NELL2: variants seen among roughly 807,000 people sequenced by gnomAD.
NELL2 encodes the protein protein kinase C-binding protein NELL2.
Under a neutral mutation model 109.6 loss-of-function variants are expected in NELL2, and 41 were observed. That is an observed-to-expected ratio of 0.37 (90% CI 0.29 to 0.49). The LOEUF (loss-of-function observed/expected upper bound fraction) is 0.49, where lower values mean the gene tolerates loss of function less well. Ranked by LOEUF, NELL2 falls within the 20% of genes least tolerant of loss-of-function variation. The pLI is 0.98. For synonymous variants in NELL2, 355 were observed against 344.7 expected (o/e 1.03, Z -0.33); for missense variants, 900 against 1,008.3 (o/e 0.89, Z 1.45).
At chr12:44,633,537 T>C (rs192364375) in intron 13 of NELL2, among the ~76,000 whole-genome samples, 1 of 152,278 alleles carries the variant, frequency 6.6e-6, no homozygotes, top group East Asian at 1.9e-4. Flanking sequence ...TGTCAGTTAC[T>C]AATGGAGAGC....
At chr12:44,858,798 C>T (rs1258707444) in intron 2 of NELL2, among the ~76,000 whole-genome samples, 1 of 152,068 alleles carries the variant, frequency 6.6e-6, no homozygotes, top group Non-Finnish European at 1.5e-5. Context: ...GCTCAAATGA[C>T]ACAAAAAGGC....
At chr12:44,764,678 C>A (rs57307508) in intron 9 of NELL2, among the ~76,000 whole-genome samples, 4,597 of 152,220 alleles carry the variant, frequency 0.03, 215 homozygotes, top group African/African-American at 0.1. Flanking sequence ...TACTAGCTGG[C>A]TTATCTCAGG....
intron 2 of NELL2, among the ~76,000 whole-genome samples, chr12:44,834,819 T>A (rs1325417471): frequency 6.6e-6 from 1 of 152,094 alleles, no homozygotes; most frequent in Admixed American, 6.6e-5. Flanking sequence ...CAGGGACTGA[T>A]CAACTCTGCT....
chr12:44,825,941 C>T (rs1943697291), intron 2 of NELL2, among the ~76,000 whole-genome samples: 1 of 151,640 alleles, frequency 6.6e-6, no homozygotes, highest in Non-Finnish European at 1.5e-5. Flanking sequence ...ACTCTGGAGG[C>T]TGAAGCAGGA....
chr12:44,586,284 TTATA>T (rs1164270896), intron 15 of NELL2, among the ~76,000 whole-genome samples: 1 of 148,992 alleles, frequency 6.7e-6, no homozygotes, highest in Non-Finnish European at 1.5e-5. Flanking sequence ...TGCAGTGTGA[TTATA>T]TATATATAGA....
intron 15 of NELL2, among the ~76,000 whole-genome samples, chr12:44,593,478 G>A (rs1232391791): frequency 6.6e-6 from 1 of 152,114 alleles, no homozygotes; most frequent in Admixed American, 6.5e-5. Flanking sequence ...GTAACTTCAG[G>A]CTTGTCAATT....
At chr12:44,792,396 G>C (rs896398606) in intron 3 of NELL2, among the ~76,000 whole-genome samples, 9 of 152,038 alleles carry the variant, frequency 5.9e-5, no homozygotes, top group African/African-American at 2.2e-4. Flanking sequence ...CTTGTATGCT[G>C]CTGCGGATAA....
At chr12:44,587,284 A>AAAAAAAAAATATATATATATAT in intron 15 of NELL2, among the ~76,000 whole-genome samples, 7 of 72,208 alleles carry the variant, frequency 9.7e-5, no homozygotes, top group Non-Finnish European at 1.6e-4. Flanking sequence ...AAAAAAAAAA[A>AAAAAAAAAATATATATATATAT]ATATATATAT....
intron 3 of NELL2, among the ~76,000 whole-genome samples, chr12:44,795,529 C>T (rs1368940558): frequency 1.3e-5 from 2 of 152,056 alleles, no homozygotes; most frequent in Non-Finnish European, 2.9e-5. Flanking sequence ...TATTATTGGT[C>T]AATAATCCCA....
At chr12:44,888,381 GT>G (rs61158046) in intron 1 of NELL2, among the ~76,000 whole-genome samples, 2,847 of 136,482 alleles carry the variant, frequency 0.021, 48 homozygotes, top group African/African-American at 0.044. Flanking sequence ...TGAACAGTTG[GT>G]TTTTTTTTTT....
intron 2 of NELL2, among the ~76,000 whole-genome samples, chr12:44,838,486 T>G (rs1381936614): frequency 6.6e-6 from 1 of 152,196 alleles, no homozygotes; most frequent in Non-Finnish European, 1.5e-5. Context: ...AAACAAGTTA[T>G]TTAACCTCAC....
At chr12:44,822,845 G>A (rs191442960) in intron 2 of NELL2, among the ~76,000 whole-genome samples, 1 of 152,272 alleles carries the variant, frequency 6.6e-6, no homozygotes, top group East Asian at 1.9e-4. Flanking sequence ...CCAGAATGGA[G>A]TGATGAGTTC....
intron 15 of NELL2, among the ~76,000 whole-genome samples, chr12:44,580,738 A>G (rs1355951955): frequency 6.6e-6 from 1 of 152,114 alleles, no homozygotes; most frequent in Non-Finnish European, 1.5e-5. Context: ...CAAAAAACTC[A>G]TAATGCATGA....
chr12:44,673,048 T>C (rs1948194055), intron 12 of NELL2, among the ~76,000 whole-genome samples: 1 of 152,224 alleles, frequency 6.6e-6, no homozygotes, highest in Admixed American at 6.5e-5. Flanking sequence ...GCCTATTACT[T>C]GGAGTAGTGT....
At position 44,875,907 on chromosome 12, in the gene NELL2, A is replaced by G; in HGVS notation, c.-38T>C. ...CTCAGTCCATCGTCTCCCTCTTTAAAAATAAAAATAAAAATCGAAGAGGTT... is the reference window on the plus strand; with the variant it reads ...CTCAGTCCATCGTCTCCCTCTTTAAGAATAAAAATAAAAATCGAAGAGGTT... On this transcript the variant is annotated 5_prime_UTR_variant, in exon 1 of 20. Transcript: ENST00000429094. 1.9e-6 allele frequency: 3 copies of G among 1,612,938 alleles called. No individual in the cohort carries two copies. Among genetic ancestry groups the G allele is most frequent in the Non-Finnish European group, 2.5e-6 (3 of 1,180,022 alleles).
chr12:44,703,109 A>G (rs1721962807), intron 12 of NELL2, among the ~76,000 whole-genome samples: 1 of 152,202 alleles, frequency 6.6e-6, no homozygotes, highest in African/African-American at 2.4e-5. Flanking sequence ...ACCACATCTC[A>G]TGGACTTCGT....
chr12:44,677,748 T>C (rs558543229), intron 12 of NELL2, among the ~76,000 whole-genome samples: 22 of 152,222 alleles, frequency 1.4e-4, no homozygotes, highest in African/African-American at 4.3e-4. Context: ...ACTCTGGCAC[T>C]GACTGGATGT....
intron 1 of NELL2, among the ~76,000 whole-genome samples, chr12:44,920,523 T>C (rs182961023): frequency 1.2e-4 from 18 of 152,320 alleles, no homozygotes; most frequent in African/African-American, 4.1e-4. Context: ...TTAATAGATA[T>C]ATACTCAGTG....
chr12:44,739,677 G>A (rs1440214478), intron 9 of NELL2, among the ~76,000 whole-genome samples: 1 of 152,164 alleles, frequency 6.6e-6, no homozygotes. Context: ...GATCACTTGA[G>A]GTCAGCAGTT....
Sources: allele counts gnomAD v4.1 joint callset (sites outside exome capture counted in the v4.1 genomes callset), GRCh38; gene constraint gnomAD v4.1.1; transcripts MANE v1.5; gene names NCBI Gene and HGNC (gene_info 2026-07-23, HGNC 2026-07-21).